The following UNC13C variants were observed in gnomAD, a reference collection of about 807,000 sequenced individuals.
UNC13C encodes protein unc-13 homolog C.
UNC13C carries 174 observed loss-of-function variants against 245.4 expected under a neutral mutation model. That is an observed-to-expected ratio of 0.71 (90% confidence interval 0.63 to 0.80). The LOEUF (loss-of-function observed/expected upper bound fraction) is 0.80. Among genes scored for constraint, UNC13C ranks in the 30% least tolerant of loss-of-function variants. The pLI is 0.00. For missense variants in UNC13C, 2,829 were observed against 2,602.9 expected (o/e 1.09, Z -1.89); for synonymous variants, 992 against 895.1 (o/e 1.11, Z -1.93).
rs768240170 is a variant in UNC13C, at chr15:54,077,376, C to CTTTTTTTTT, written c.2983+61502_2983+61510dup. Reference sequence around the variant, plus strand: ...TTTTCCTTTTCTTTTCTTTTCTTTTCTTTTTTTTTTTTTTTTTTTTGAGAC... The same window carrying CTTTTTTTTT: ...TTTTCCTTTTCTTTTCTTTTCTTTTCTTTTTTTTTTTTTTTTTTTTTTTTTTTTTGAGAC... On this transcript the variant is annotated intron_variant, in intron 2 of 32. Transcript: ENST00000260323. 4.0e-3 allele frequency among the ~76,000 whole-genome samples: 248 copies of CTTTTTTTTT among 62,750 alleles called. 10 individuals are homozygous for CTTTTTTTTT. The highest frequency in any genetic ancestry group is 6.3e-3 in the African/African-American group (105 of 16,548). 41.2% of individuals were successfully genotyped at this position (62,750 alleles called of 152,430 possible).
At chr15:54,494,082 G>A (rs1372596183) in intron 19 of UNC13C, among the ~76,000 whole-genome samples, 1 of 152,010 alleles carries the variant, frequency 6.6e-6, no homozygotes, top group Non-Finnish European at 1.5e-5. Flanking sequence ...CCAGAAATGT[G>A]ATCTACTCAC....
At chr15:54,314,290 G>A (rs911762102) in intron 13 of UNC13C, among the ~76,000 whole-genome samples, 1 of 151,728 alleles carries the variant, frequency 6.6e-6, no homozygotes, top group African/African-American at 2.4e-5. Flanking sequence ...AAAGCGAATA[G>A]ATTTTATGTT....
At chr15:54,368,561 G>A (rs1218388841) in intron 17 of UNC13C, among the ~76,000 whole-genome samples, 1 of 151,610 alleles carries the variant, frequency 6.6e-6, no homozygotes, top group Admixed American at 6.6e-5. Flanking sequence ...AAACCAATGT[G>A]GTCTGCTATT....
rs1012815028 is a variant in UNC13C at position 54,583,998 on chromosome 15, C to T, written c.6106+16051C>T. Among the ~76,000 whole-genome samples the T allele has an allele frequency of 2.0e-5, 3 of 152,196 alleles. No homozygotes were observed. In the South Asian group the frequency reaches 6.2e-4, roughly 31 times the overall value. ...TCCCCGTGGCCTCCAGACTTCCCCT[C>T]GGGCTCCTGCCGCTCTCTGGACCTC... On this transcript the variant is annotated intron_variant, in intron 30 of 32. Coordinates refer to ENST00000260323, the MANE Select transcript of UNC13C (RefSeq NM_001080534.3).
chr15:54,320,668 T>G (rs530755527), intron 13 of UNC13C: 61 of 328,732 alleles, frequency 1.9e-4, no homozygotes, highest in Admixed American at 1.1e-4. Flanking sequence ...AACCCATAGC[T>G]TCCTTGTCAC....
chr15:54,230,728 A>G lies in UNC13C; in HGVS notation c.3072-4302A>G, dbSNP rs188798374. Among the ~76,000 whole-genome samples, 43 of 152,184 alleles carry G rather than the reference A, an allele frequency of 2.8e-4. 1 individual carries two copies. The highest frequency in any genetic ancestry group is 9.8e-4 in the Admixed American group (15 of 15,284). On this transcript the variant is annotated intron_variant, in intron 4 of 32. Transcript: ENST00000260323. ...GAAAACCACTGAAAATATTTAAAGT[A>G]TGTTGGCTAAGAGTGTATATTTTAA...
intron 4 of UNC13C, among the ~76,000 whole-genome samples, chr15:54,184,474 G>A (rs145337509): frequency 0.022 from 3,293 of 151,894 alleles, 135 homozygotes; most frequent in African/African-American, 0.076. Context: ...GTGTCCATGT[G>A]TTCTCTTCGA....
rs576221587 is a variant in UNC13C, at chr15:54,203,484, GTATA to G, written c.3072-31529_3072-31526del. On this transcript the variant is annotated intron_variant, in intron 4 of 32. Transcript: ENST00000260323. ...GTAGTGTGTGTGTATATGTGTGTGT[GTATA>G]TATATATATATATATACACACACAC... Among the ~76,000 whole-genome samples, 98 of 139,768 alleles carry G rather than the reference GTATA, an allele frequency of 7.0e-4. 1 individual carries two copies. The South Asian group carries it at 0.021, about 30-fold the overall frequency. The allele number at this position is 139,768 out of a possible 152,430, so 91.7% of individuals were successfully genotyped here.
At chr15:54,213,330 A>G (rs1011466229) in intron 4 of UNC13C, among the ~76,000 whole-genome samples, 4 of 152,056 alleles carry the variant, frequency 2.6e-5, no homozygotes, top group Non-Finnish European at 5.9e-5. Flanking sequence ...AAAATCCTAT[A>G]CTAAATACTA....
chr15:53,877,858 G>A, the UNC13C span, among the ~76,000 whole-genome samples: 5 of 152,094 alleles, frequency 3.3e-5, no homozygotes, highest in East Asian at 1.9e-4. Context: ...TCCTGACCTC[G>A]TAACTATGGG....
chr15:54,516,438 C>T lies in UNC13C; in HGVS notation c.5457+4608C>T, dbSNP rs114538073. On this transcript the variant is annotated intron_variant, in intron 24 of 32. Transcript: ENST00000260323. ...AGGGCCAGGTGATTTGCATTTCTAA[C>T]GAATCTCTGGGTGACGCTGATGCTA... Among the ~76,000 whole-genome samples, 1,089 of 152,208 alleles carry T rather than the reference C, an allele frequency of 7.2e-3. 12 individuals carry two copies. The highest frequency in any genetic ancestry group is 0.025 in the African/African-American group (1,043 of 41,516).
intron 2 of UNC13C, among the ~76,000 whole-genome samples, 177 bp downstream of exon 2, chr15:54,016,063 G>T (rs1004362236): frequency 2.0e-5 from 3 of 152,210 alleles, no homozygotes; most frequent in African/African-American, 7.2e-5. Flanking sequence ...AGTTGGGCTT[G>T]ATGATTTAAA....
At chr15:53,959,570 A>G in the UNC13C span, among the ~76,000 whole-genome samples, 1 of 152,112 alleles carries the variant, frequency 6.6e-6, no homozygotes, top group East Asian at 1.9e-4. Context: ...ACCCATACCT[A>G]GTAGCTTACC....
At chr15:54,441,766 T>C (rs943830478) in intron 19 of UNC13C, among the ~76,000 whole-genome samples, 2 of 152,104 alleles carry the variant, frequency 1.3e-5, no homozygotes, top group African/African-American at 2.4e-5. Context: ...ACTTAAACTA[T>C]TGGTTGATTT....
intron 2 of UNC13C, among the ~76,000 whole-genome samples, chr15:54,058,997 C>T (rs1897672819): frequency 6.6e-6 from 1 of 152,120 alleles, no homozygotes; most frequent in Admixed American, 6.5e-5. Flanking sequence ...AAACCCACAG[C>T]CAATATCATA....
chr15:54,141,713 A>C (rs2032031139), intron 2 of UNC13C, among the ~76,000 whole-genome samples: 1 of 152,010 alleles, frequency 6.6e-6, no homozygotes, highest in African/African-American at 2.4e-5. Flanking sequence ...CGGTAATGCT[A>C]AATTTTATTT....
Position 54,627,000 on chromosome 15 carries a change from G to C in UNC13C, c.6532G>C (p.Asp2178His). 6.2e-7 allele frequency: 1 copy of C among 1,613,432 alleles called. No individual in the cohort carries two copies. Among genetic ancestry groups the C allele is most frequent in the Non-Finnish European group, 8.5e-7 (1 of 1,179,588 alleles). ...WYPLLKNISM[D>H]ETGLTILRIL... ...TCCTCTTCTGAAAAATATCTCTATGGATGAAACTGGTTTGACTATCCTTAG... is the reference window on the plus strand; with the variant it reads ...TCCTCTTCTGAAAAATATCTCTATGCATGAAACTGGTTTGACTATCCTTAG... The change falls in exon 33 of 33, where the codon GAT becomes CAT. Residue 2178 changes from aspartate to histidine, a missense_variant. Transcript: ENST00000260323.
intron 19 of UNC13C, among the ~76,000 whole-genome samples, chr15:54,420,913 C>G (rs1174678296): frequency 3.9e-5 from 6 of 152,040 alleles, no homozygotes; most frequent in Non-Finnish European, 7.4e-5. Context: ...ATTCATTGAT[C>G]TACTGTGCTC....
At chr15:54,589,406 C>T (rs902717552) in intron 30 of UNC13C, among the ~76,000 whole-genome samples, 2 of 135,536 alleles carry the variant, frequency 1.5e-5, no homozygotes, top group Non-Finnish European at 3.1e-5. Context: ...TCAAGTGATT[C>T]TCCTGCCTCA....
Sources: gnomAD v4.1 joint callset for allele counts (sites outside exome capture counted in the v4.1 genomes callset) on GRCh38, gnomAD v4.1.1 for gene constraint, MANE v1.5 for transcripts, NCBI Gene and HGNC (gene_info 2026-07-23, HGNC 2026-07-21) for gene names.